The following ZNF487 variants were observed in gnomAD, a reference collection of about 807,000 sequenced individuals.
The protein encoded by ZNF487 is zinc finger protein 487.
A neutral mutation model predicts 3.0 loss-of-function variants in ZNF487; 4 were observed. The ratio of observed to expected loss-of-function variants is 1.35; its 90% CI spans 0.66 to 3.08. The LOEUF is 3.08. ZNF487 is among the 30% of genes most tolerant of loss of function. The probability of loss-of-function intolerance (pLI) is 0.01; values close to 1 mark genes in which losing one functional copy is unlikely to be tolerated. For missense variants in ZNF487, 146 were observed against 98.7 expected (o/e 1.48, Z -2.03); for synonymous variants, 55 against 34.6 (o/e 1.59, Z -2.06).
Position 43,482,725 on chromosome 10 carries a change from C to T in ZNF487, c.*803C>T. ...CCAAACTTCATTAATCATCAGTGAA[C>T]TCACACAGGAGAGAGACCCTTTGAA... is the stretch of plus-strand genomic sequence containing the variant. On this transcript the variant is annotated 3_prime_UTR_variant, in exon 4 of 4. Coordinates refer to ENST00000437590, the MANE Select transcript of ZNF487 (RefSeq NM_001355444.3). 4.3e-6 allele frequency: 2 copies of T among 464,288 alleles called. No homozygotes were observed. Among genetic ancestry groups the T allele is most frequent in the South Asian group, 3.3e-5 (2 of 60,548 alleles). The allele number at this position is 464,288 out of a possible 1,614,324, so 28.8% of individuals were successfully genotyped here. A position where few individuals can be genotyped will look rare whatever the true frequency, so the allele number is the denominator to read the frequency against.
downstream of ZNF487, among the ~76,000 whole-genome samples, chr10:43,485,444 T>C (rs78179284): frequency 0.016 from 2,411 of 152,298 alleles, 65 homozygotes; most frequent in African/African-American, 0.055. Flanking sequence ...TGATTATGAA[T>C]GGGGCATGAA....
chr10:43,461,478 C>T (rs1488263244), intron 1 of ZNF487, among the ~76,000 whole-genome samples: 1 of 151,926 alleles, frequency 6.6e-6, no homozygotes, highest in Non-Finnish European at 1.5e-5. Context: ...TACCATAATG[C>T]CTGGTTACTT....
chr10:43,458,680 TAGTAGAG>T lies in ZNF487; in HGVS notation c.-93-17037_-93-17031del, dbSNP rs569126863. Among the ~76,000 whole-genome samples the T allele has an allele frequency of 1.0e-3, 155 of 152,230 alleles. 1 individual carries two copies. Among genetic ancestry groups the T allele is most frequent in the Admixed American group, 2.1e-3 (32 of 15,254 alleles). ...TTTTCCGGTCTTCCTGTAGATGACT[TAGTAGAG>T]AGTCTTCAGTCTTTCAGTGAGTACC... On this transcript the variant is annotated intron_variant, in intron 1 of 3. Transcript: ENST00000437590.
At chr10:43,505,438 C>T in the ZNF487 span, among the ~76,000 whole-genome samples, 26 of 151,342 alleles carry the variant, frequency 1.7e-4, no homozygotes, top group Admixed American at 9.2e-4. Flanking sequence ...GTGTGCACCA[C>T]CATGCCCGGC....
At chr10:43,513,757 C>T in the ZNF487 span, among the ~76,000 whole-genome samples, 3 of 152,094 alleles carry the variant, frequency 2.0e-5, no homozygotes, top group East Asian at 1.9e-4. Context: ...AGGGTAAGTC[C>T]GGGGACCCAC....
chr10:43,520,853 C>G, the ZNF487 span, among the ~76,000 whole-genome samples: 1 of 152,136 alleles, frequency 6.6e-6, no homozygotes, highest in Non-Finnish European at 1.5e-5. Flanking sequence ...GGATTGTGGA[C>G]AGCAGAGGAT....
At chr10:43,462,581 G>A (rs768221983) in intron 1 of ZNF487, among the ~76,000 whole-genome samples, 13 of 150,316 alleles carry the variant, frequency 8.6e-5, no homozygotes, top group South Asian at 2.1e-4. Flanking sequence ...TCAGCCTCCT[G>A]AGTAGCTGGG....
chr10:43,482,175 A>G lies in ZNF487; in HGVS notation c.*253A>G. 1 of 532,400 alleles carries G rather than the reference A, an allele frequency of 1.9e-6. No homozygotes were observed. The highest frequency in any genetic ancestry group is 2.2e-5 in the South Asian group (1 of 45,164). The allele number at this position is 532,400 out of a possible 1,614,324, so 33.0% of individuals were successfully genotyped here. ...GAGAGAAAACTTGACTGTAGTAGAC[A>G]TTTGGAAGTATTCTGCAAGAAGCCA... On this transcript the variant is annotated 3_prime_UTR_variant, in exon 4 of 4. Coordinates refer to ENST00000437590, the MANE Select transcript of ZNF487 (RefSeq NM_001355444.3).
chr10:43,489,501 C>T, the ZNF487 span, among the ~76,000 whole-genome samples: 5 of 152,044 alleles, frequency 3.3e-5, no homozygotes, highest in South Asian at 2.1e-4. Context: ...TTATAGGCGC[C>T]GGCCACCAAG....
In ZNF487 at chr10:43,482,542, A is replaced by G; in HGVS notation, c.*620A>G. On this transcript the variant is annotated 3_prime_UTR_variant, in exon 4 of 4. Transcript: ENST00000437590. ...AACTTCTGTGAGAAGTCAAATCTTC[A>G]TGTACATCAGAGAACACACACAGGA... The G allele has an allele frequency of 2.0e-6, 1 of 502,528 alleles. No individual in the cohort carries two copies. Among genetic ancestry groups the G allele is most frequent in the Non-Finnish European group, 4.1e-6 (1 of 246,256 alleles). The allele number at this position is 502,528 out of a possible 1,614,324, so 31.1% of individuals were successfully genotyped here.
chr10:43,490,120 C>T, the ZNF487 span, among the ~76,000 whole-genome samples: 2 of 152,126 alleles, frequency 1.3e-5, no homozygotes, highest in East Asian at 1.9e-4. Context: ...AGGCCGAAGG[C>T]GGGTGGATCG....
intron 3 of ZNF487, among the ~76,000 whole-genome samples, chr10:43,477,128 C>T (rs1049193626): frequency 6.6e-6 from 1 of 151,262 alleles, no homozygotes; most frequent in Non-Finnish European, 1.5e-5. Flanking sequence ...AATGACCCAA[C>T]ATGTGAATCA....
the ZNF487 span, among the ~76,000 whole-genome samples, chr10:43,518,009 C>T: frequency 3.9e-5 from 6 of 152,302 alleles, 1 homozygote; most frequent in East Asian, 1.9e-4. Context: ...GTCGTCCTAG[C>T]ACTGGATGTC....
chr10:43,520,093 C>A, the ZNF487 span, among the ~76,000 whole-genome samples: 1 of 152,142 alleles, frequency 6.6e-6, no homozygotes, highest in African/African-American at 2.4e-5. Context: ...CCATTAGCTG[C>A]ATTATTCATG....
intron 1 of ZNF487, among the ~76,000 whole-genome samples, chr10:43,443,378 G>T (rs866661808): frequency 0.035 from 4,025 of 116,108 alleles, 86 homozygotes; most frequent in South Asian, 0.05. Context: ...TTTTGTTTTT[G>T]TTTTTTTTTT....
chr10:43,498,941 C>CA, the ZNF487 span, among the ~76,000 whole-genome samples: 1,984 of 86,282 alleles, frequency 0.023, 19 homozygotes, highest in East Asian at 0.053. Flanking sequence ...GACTCCGTCT[C>CA]AAAAAAAAAA....
At chr10:43,517,324 G>A in the ZNF487 span, among the ~76,000 whole-genome samples, 1 of 152,200 alleles carries the variant, frequency 6.6e-6, no homozygotes, top group African/African-American at 2.4e-5. Flanking sequence ...ATCTAGAGGT[G>A]ACATATTCCT....
downstream of ZNF487, among the ~76,000 whole-genome samples, chr10:43,485,274 A>G (rs1387092667): frequency 2.0e-5 from 3 of 152,248 alleles, no homozygotes; most frequent in Non-Finnish European, 4.4e-5. Context: ...GAAAATAGAC[A>G]ATAGCAGACT....
intron 1 of ZNF487, among the ~76,000 whole-genome samples, chr10:43,461,903 GTGTT>G (rs960282041): frequency 2.0e-5 from 3 of 152,160 alleles, no homozygotes; most frequent in African/African-American, 7.2e-5. Flanking sequence ...GGTGGCAGGT[GTGTT>G]TGTTCCAGGG....
Sources: allele counts gnomAD v4.1 joint callset (sites outside exome capture counted in the v4.1 genomes callset), GRCh38; gene constraint gnomAD v4.1.1; transcripts MANE v1.5; gene names NCBI Gene and HGNC (gene_info 2026-07-23, HGNC 2026-07-21).